The following PCYT1B variants were observed in gnomAD, a reference collection of about 807,000 sequenced individuals.
PCYT1B encodes the protein phosphate cytidylyltransferase 1B, choline, also known as choline-phosphate cytidylyltransferase B.
In PCYT1B, 10 loss-of-function variants were observed where a neutral mutation model predicts 26.4. The ratio of observed to expected loss-of-function variants is 0.38; its 90% confidence interval spans 0.23 to 0.64. The LOEUF is 0.64. Among genes scored for constraint, PCYT1B ranks in the 30% least tolerant of loss-of-function variants. The probability of loss-of-function intolerance (pLI) is 0.56; values close to 1 mark genes in which losing one functional copy is unlikely to be tolerated. For synonymous variants in PCYT1B, 131 were observed against 108.4 expected, an observed-to-expected ratio of 1.21 and a Z score of -1.29; for missense variants, 161 against 292.7, an observed-to-expected ratio of 0.55 and a Z score of 3.28.
At position 24,575,335 on chromosome X, in the gene PCYT1B, G is replaced by GA; in HGVS notation, c.709-18_709-17insT. On this transcript the variant is annotated splice_polypyrimidine_tract_variant and intron_variant, in intron 6 of 7. Transcript: ENST00000379144. ...CCTCTTCTCCTGGTGAAAGTTTACA[G>GA]GAAAAAAAAAAACAGATTTATCCAA... 1 of 1,037,534 alleles carries GA rather than the reference G, an allele frequency of 9.6e-7. No individual in the cohort carries two copies. Among genetic ancestry groups the GA allele is most frequent in the African/African-American group, 2.3e-5 (1 of 42,576 alleles). The allele number at this position is 1,037,534 out of a possible 1,213,427, so 85.5% of individuals were successfully genotyped here.
intron 1 of PCYT1B, among the ~76,000 whole-genome samples, chrX:24,655,644 G>A (rs1371657061): frequency 1.8e-5 from 2 of 111,066 alleles, no homozygotes; most frequent in Non-Finnish European, 3.8e-5. Context: ...TTAGCCAGGC[G>A]TGGTGGCGGA....
intron 3 of PCYT1B, among the ~76,000 whole-genome samples, chrX:24,604,069 T>C (rs1277281716): frequency 2.0e-5 from 2 of 97,732 alleles, no homozygotes; most frequent in Non-Finnish European, 2.0e-5. Context: ...TGGAGACATA[T>C]GAAATACAGG....
chrX:24,656,165 GA>G (rs1192968987), intron 1 of PCYT1B, among the ~76,000 whole-genome samples: 1 of 36,745 alleles, frequency 2.7e-5, no homozygotes, highest in East Asian at 8.8e-4. Flanking sequence ...CCCATTAGGG[GA>G]AAAAAATAAT....
At chrX:24,562,594 T>A in intron 7 of PCYT1B, 89 bp from the exon 8 acceptor site, 1 of 810,442 alleles carries the variant, frequency 1.2e-6, no homozygotes, top group Non-Finnish European at 1.8e-6. Context: ...GGAGAGCCAC[T>A]ACCCCAAAAC....
At chrX:24,566,333 G>A (rs1035970114) in intron 7 of PCYT1B, among the ~76,000 whole-genome samples, 33 of 112,277 alleles carry the variant, frequency 2.9e-4, no homozygotes, top group Middle Eastern at 4.6e-3. Flanking sequence ...ATAAGCAGAT[G>A]AGGAGAATCA....
chrX:24,652,473 C>T (rs757871791), intron 1 of PCYT1B, among the ~76,000 whole-genome samples: 65 of 109,903 alleles, frequency 5.9e-4, no homozygotes, highest in Non-Finnish European at 1.0e-3. Context: ...GCAGGAGAAT[C>T]GCTTGAACCC....
chrX:24,606,053 CAAA>C (rs35072094), intron 3 of PCYT1B, among the ~76,000 whole-genome samples: 1 of 52,487 alleles, frequency 1.9e-5, no homozygotes. Flanking sequence ...GACTCCATCT[CAAA>C]AAAAAAAAAA....
intron 3 of PCYT1B, among the ~76,000 whole-genome samples, chrX:24,605,570 T>C (rs1925099276): frequency 1.8e-5 from 2 of 112,207 alleles, no homozygotes; most frequent in African/African-American, 6.5e-5. Context: ...GTTTTGTTCA[T>C]GGCTGCATCC....
chrX:24,644,713 C>T (rs1056656031), intron 1 of PCYT1B, among the ~76,000 whole-genome samples: 4 of 111,141 alleles, frequency 3.6e-5, no homozygotes, highest in Non-Finnish European at 7.5e-5. Flanking sequence ...ACATTGCCAG[C>T]TTTGCGTGGT....
chrX:24,616,984 T>C (rs1254491300), intron 2 of PCYT1B, among the ~76,000 whole-genome samples: 3 of 111,960 alleles, frequency 2.7e-5, no homozygotes, highest in Non-Finnish European at 1.9e-5. Flanking sequence ...GTTCTCCCAG[T>C]GTGATCCCTG....
intron 1 of PCYT1B, among the ~76,000 whole-genome samples, chrX:24,663,998 G>A (rs1273976126): frequency 1.8e-5 from 2 of 111,055 alleles, no homozygotes; most frequent in East Asian, 5.7e-4. Flanking sequence ...GAGAAGGAAT[G>A]TATATGGTGA....
chrX:24,659,787 C>T (rs1018879081), intron 1 of PCYT1B, among the ~76,000 whole-genome samples: 6 of 111,175 alleles, frequency 5.4e-5, no homozygotes, highest in Non-Finnish European at 9.4e-5. Context: ...AACAAATCCA[C>T]CCTTGTGGTA....
intron 1 of PCYT1B, among the ~76,000 whole-genome samples, chrX:24,629,496 T>C (rs974241035): frequency 4.5e-5 from 4 of 88,228 alleles, no homozygotes; most frequent in African/African-American, 1.8e-4. Flanking sequence ...AGGTCAAGCC[T>C]GCAGTAAGCT....
intron 1 of PCYT1B, among the ~76,000 whole-genome samples, chrX:24,623,995 A>G (rs61760944): frequency 4.8e-4 from 46 of 95,119 alleles, no homozygotes; most frequent in African/African-American, 1.5e-3. Flanking sequence ...TTTTTGAGAC[A>G]GAGTCTCGCT....
rs370978600 is a variant in PCYT1B, at chrX:24,588,154, ATG to A, written c.487-837_487-836del. 2.9e-4 allele frequency among the ~76,000 whole-genome samples: 31 copies of A among 108,150 alleles called. No individual in the cohort carries two copies. The Middle Eastern group carries it at 0.014, about 49-fold the overall frequency. The allele number at this position is 108,150 out of a possible 115,157, so 93.9% of individuals were successfully genotyped here. On this transcript the variant is annotated intron_variant, in intron 4 of 7. Transcript: ENST00000379144. ...TTCACTCACCCTAGGTTCTGCTGGG[ATG>A]TGTGTGTGTGTGTGTGTTTGTGTGC...
chrX:24,634,437 T>A (rs1327606351), intron 1 of PCYT1B, among the ~76,000 whole-genome samples: 1 of 112,436 alleles, frequency 8.9e-6, no homozygotes, highest in Non-Finnish European at 1.9e-5. Context: ...TGCACATAAA[T>A]CAGCAGGTGG....
At chrX:24,609,344 T>G (rs181313947) in intron 2 of PCYT1B, among the ~76,000 whole-genome samples, 6 of 111,422 alleles carry the variant, frequency 5.4e-5, no homozygotes, top group South Asian at 7.6e-4. Flanking sequence ...CTAATTTTTG[T>G]ATTTTTAGTA....
At chrX:24,611,947 T>A (rs1296358585) in intron 2 of PCYT1B, among the ~76,000 whole-genome samples, 1 of 111,224 alleles carries the variant, frequency 9.0e-6, no homozygotes, top group African/African-American at 3.3e-5. Flanking sequence ...CATTCCAGCC[T>A]GGGCAACAAG....
intron 7 of PCYT1B, among the ~76,000 whole-genome samples, chrX:24,571,262 G>A (rs1923815492): frequency 9.0e-6 from 1 of 111,282 alleles, no homozygotes; most frequent in Non-Finnish European, 1.9e-5. Context: ...TACTCGGGAG[G>A]CTGAGGCAGG....
Sources: allele counts gnomAD v4.1 joint callset (sites outside exome capture counted in the v4.1 genomes callset), GRCh38; gene constraint gnomAD v4.1.1; transcripts MANE v1.5; gene names NCBI Gene and HGNC (gene_info 2026-07-23, HGNC 2026-07-21).